The following ATOX1 variants were observed in gnomAD, a reference collection of about 807,000 sequenced individuals.
The protein encoded by ATOX1 is copper transport protein ATOX1.
ATOX1 carries 4 observed loss-of-function variants against 7.3 expected under a neutral mutation model. The ratio of observed to expected loss-of-function variants is 0.55; its 90% CI spans 0.27 to 1.25. The LOEUF (loss-of-function observed/expected upper bound fraction) is 1.25. ATOX1 is among the 50% of genes most tolerant of loss of function. The probability of loss-of-function intolerance (pLI) is 0.12; values close to 1 mark genes in which losing one functional copy is unlikely to be tolerated. For synonymous variants in ATOX1, 25 were observed against 28.7 expected (o/e 0.87, Z 0.41); for missense variants, 68 against 81.6 (o/e 0.83, Z 0.64).
chr5:151,747,046 T>C (rs1466509704), intron 2 of ATOX1, among the ~76,000 whole-genome samples: 2 of 151,134 alleles, frequency 1.3e-5, no homozygotes, highest in African/African-American at 2.4e-5. Flanking sequence ...CTTTTTTTTT[T>C]AATTGCAAAA....
intron 3 of ATOX1, chr5:151,744,630 A>AT (rs1344576593): frequency 6.6e-6 from 1 of 152,134 alleles, no homozygotes; most frequent in South Asian, 2.1e-4. Context: ...CAGGAAGAGT[A>AT]TTTTTTTCCT....
At chr5:151,747,912 A>G (rs1463559269) in intron 2 of ATOX1, among the ~76,000 whole-genome samples, 2 of 151,992 alleles carry the variant, frequency 1.3e-5, no homozygotes, top group Non-Finnish European at 2.9e-5. Flanking sequence ...AAAAGCTACA[A>G]TCTTCCACAG....
In ATOX1 at chr5:151,758,548, G is replaced by A. The variant is rs755607060; in HGVS notation, c.4C>T (p.Pro2Ser). The A allele has an allele frequency of 2.8e-6, 4 of 1,446,864 alleles. No homozygotes were observed. Among genetic ancestry groups the A allele is most frequent in the Admixed American group, 5.3e-5 (2 of 38,016 alleles). 89.6% of individuals were successfully genotyped at this position (1,446,864 alleles called of 1,614,324 possible). The change falls in exon 1 of 4, where the codon CCG (proline) becomes TCG (serine). Residue 2 changes from proline to serine, a missense_variant and splice_region_variant. Transcript: ENST00000313115. M[P>S]KHEFSVDMTC... ...GCGGGGACGGCGCAACCACTCACCG[G>A]CATGACTGAGGCAGCGGCGGTGTGG...
intron 1 of ATOX1, among the ~76,000 whole-genome samples, chr5:151,754,999 AAAG>A (rs1292864034): frequency 1.1e-4 from 16 of 151,820 alleles, no homozygotes; most frequent in African/African-American, 3.6e-4. Context: ...AAAAAAAAAA[AAAG>A]AAACACAAAA....
intron 3 of ATOX1, chr5:151,743,719 G>A (rs910798428): frequency 2.6e-5 from 4 of 152,190 alleles, no homozygotes; most frequent in African/African-American, 7.2e-5. Context: ...AATCCAAGAT[G>A]TGTGCATTAG....
At chr5:151,752,280 T>C (rs765075735) in intron 1 of ATOX1, 5 of 702,436 alleles carry the variant, frequency 7.1e-6, no homozygotes, top group Non-Finnish European at 1.0e-5. Flanking sequence ...GGGAATCTGT[T>C]ATGTCTACTC....
intron 2 of ATOX1, among the ~76,000 whole-genome samples, chr5:151,746,823 T>C (rs1761884688): frequency 6.6e-6 from 1 of 151,924 alleles, no homozygotes; most frequent in South Asian, 2.1e-4. Flanking sequence ...AACCTCCACC[T>C]CCTGGGTTCA....
intron 1 of ATOX1, 91 bp downstream of exon 1, chr5:151,758,455 C>G: frequency 7.1e-7 from 1 of 1,413,710 alleles, no homozygotes; most frequent in Non-Finnish European, 9.3e-7. Context: ...CGCCTGAGCC[C>G]TTCAAGATCA....
At chr5:151,747,162 A>G (rs187025086) in intron 2 of ATOX1, among the ~76,000 whole-genome samples, 2 of 152,056 alleles carry the variant, frequency 1.3e-5, no homozygotes, top group African/African-American at 4.8e-5. Flanking sequence ...ATCACTGTGA[A>G]CAGTCTGGCT....
intron 1 of ATOX1, among the ~76,000 whole-genome samples, chr5:151,756,491 G>A (rs768151017): frequency 3.4e-5 from 5 of 147,056 alleles, no homozygotes; most frequent in Non-Finnish European, 7.5e-5. Flanking sequence ...TTTTGAGACA[G>A]GGTTTCACTT....
chr5:151,758,518 G>C (rs1280708349), intron 1 of ATOX1, 28 bp downstream of exon 1: 3 of 1,479,632 alleles, frequency 2.0e-6, no homozygotes, highest in East Asian at 2.7e-5. Flanking sequence ...CTGCAAGTCT[G>C]CGTGGCGGGG....
At chr5:151,757,190 A>G (rs1762028986) in intron 1 of ATOX1, among the ~76,000 whole-genome samples, 1 of 152,162 alleles carries the variant, frequency 6.6e-6, no homozygotes, top group African/African-American at 2.4e-5. Context: ...CTTGTGGTAC[A>G]TGGTGCCAAG....
At chr5:151,752,960 A>T (rs372200438) in intron 1 of ATOX1, among the ~76,000 whole-genome samples, 16 of 152,278 alleles carry the variant, frequency 1.1e-4, no homozygotes, top group African/African-American at 3.6e-4. Flanking sequence ...TGTGTCTTAT[A>T]GAATATGGCT....
intron 1 of ATOX1, among the ~76,000 whole-genome samples, chr5:151,756,063 T>A (rs1160917159): frequency 1.3e-5 from 2 of 150,216 alleles, no homozygotes; most frequent in African/African-American, 4.9e-5. Flanking sequence ...TGCCTCAGAC[T>A]CCCGAGTAGC....
chr5:151,746,829 G>A (rs1205375684), intron 2 of ATOX1, among the ~76,000 whole-genome samples: 1 of 152,090 alleles, frequency 6.6e-6, no homozygotes, highest in Non-Finnish European at 1.5e-5. Context: ...CACCTCCTGG[G>A]TTCAAGTGAT....
At chr5:151,749,783 C>T (rs776755010) in intron 2 of ATOX1, among the ~76,000 whole-genome samples, 1 of 152,010 alleles carries the variant, frequency 6.6e-6, no homozygotes, top group Admixed American at 6.6e-5. Context: ...GAAGGGCCCA[C>T]AGTCACATGA....
rs1468010781 is a variant in ATOX1, at chr5:151,751,616, T to C, written c.82+88A>G. The C allele has an allele frequency of 3.6e-6, 5 of 1,382,000 alleles. No homozygotes were observed. The South Asian group carries it at 3.8e-5, about 11-fold the overall frequency. The allele number at this position is 1,382,000 out of a possible 1,614,324, so 85.6% of individuals were successfully genotyped here. ...TCAATATATTTTAGTTTTACTGTTA[T>C]GATCAGCTTAACCCTAAGTCTCTCC... On this transcript the variant is annotated intron_variant, in intron 2 of 3. Transcript: ENST00000313115.
chr5:151,750,185 C>T (rs556526326), intron 2 of ATOX1, among the ~76,000 whole-genome samples: 1 of 152,318 alleles, frequency 6.6e-6, no homozygotes, highest in East Asian at 1.9e-4. Context: ...AGATCCCAGT[C>T]CTCTCTGGGC....
intron 2 of ATOX1, among the ~76,000 whole-genome samples, chr5:151,749,450 A>T (rs1241970042): frequency 6.6e-6 from 1 of 150,416 alleles, no homozygotes; most frequent in East Asian, 2.0e-4. Flanking sequence ...ACGCCATTGC[A>T]CTCTAGCCTG....
Sources: allele counts gnomAD v4.1 joint callset (sites outside exome capture counted in the v4.1 genomes callset), GRCh38; gene constraint gnomAD v4.1.1; transcripts MANE v1.5; gene names NCBI Gene and HGNC (gene_info 2026-07-23, HGNC 2026-07-21).